Variants in INO80D observed in about 807,000 individuals in gnomAD.
INO80D encodes the protein INO80 complex subunit D.
Under a neutral mutation model 87.6 loss-of-function variants are expected in INO80D, and 21 were observed. The observed-to-expected ratio is 0.24, with a 90% CI of 0.17 to 0.35. The LOEUF (loss-of-function observed/expected upper bound fraction) is 0.35. INO80D is among the 10% of genes least tolerant of loss of function. INO80D has a pLI of 1.00. For synonymous variants in INO80D, 440 were observed against 491.0 expected (o/e 0.90, Z 1.37); for missense variants, 982 against 1,280.7 (o/e 0.77, Z 3.56).
At chr2:206,065,324 G>A (rs925390719) in intron 1 of INO80D, among the ~76,000 whole-genome samples, 13 of 152,084 alleles carry the variant, frequency 8.5e-5, no homozygotes, top group Non-Finnish European at 8.8e-5. Flanking sequence ...ACAAAAATCA[G>A]CTAGGCATGG....
chr2:206,072,548 G>A (rs1690002815), intron 1 of INO80D, among the ~76,000 whole-genome samples: 2 of 152,000 alleles, frequency 1.3e-5, no homozygotes, highest in Non-Finnish European at 2.9e-5. Flanking sequence ...AAAGTGCTAG[G>A]ATTACAGGCA....
intron 8 of INO80D, among the ~76,000 whole-genome samples, chr2:206,011,777 C>G (rs923634059): frequency 1.3e-5 from 2 of 152,146 alleles, no homozygotes; most frequent in Admixed American, 1.3e-4. Context: ...GCTAGGGATA[C>G]AGTAGTAACA....
intron 3 of INO80D, among the ~76,000 whole-genome samples, 174 bp from the exon 4 acceptor site, chr2:206,057,117 G>A (rs1456586306): frequency 1.3e-5 from 2 of 152,190 alleles, no homozygotes; most frequent in Admixed American, 6.5e-5. Context: ...CAAAGTCAGT[G>A]TAATTTTGAT....
At position 206,002,734 on chromosome 2, in the gene INO80D, C is replaced by CTATTTATAAGG. The variant is rs1309112531; in HGVS notation, c.*1633_*1634insCCTTATAAATA. The CTATTTATAAGG allele has an allele frequency of 1.3e-5, 2 of 152,302 alleles. No individual in the cohort carries two copies. Among genetic ancestry groups the CTATTTATAAGG allele is most frequent in the East Asian group, 3.9e-4 (2 of 5,188 alleles). The allele number at this position is 152,302 out of a possible 1,614,324, so 9.4% of individuals were successfully genotyped here. A position where few individuals can be genotyped will look rare whatever the true frequency, so the allele number is the denominator to read the frequency against. ...CAGGAAGTAGGAAAATACATCCAATCACTACCTATTAGAAAGGAATTAAGA... is the reference window on the plus strand; with the variant it reads ...CAGGAAGTAGGAAAATACATCCAATCTATTTATAAGGACTACCTATTAGAAAGGAATTAAGA... On this transcript the variant is annotated 3_prime_UTR_variant, in exon 11 of 11. Transcript: ENST00000403263.
intron 1 of INO80D, among the ~76,000 whole-genome samples, chr2:206,079,819 C>T (rs1690224586): frequency 6.6e-6 from 1 of 152,164 alleles, no homozygotes; most frequent in African/African-American, 2.4e-5. Context: ...TGACCTTTCC[C>T]TCTCACTATT....
In INO80D at chr2:206,056,267, G is replaced by A; in HGVS notation, c.895C>T (p.Arg299Ter). 6.2e-7 allele frequency: 1 copy of A among 1,613,570 alleles called. No individual in the cohort carries two copies. The highest frequency in any genetic ancestry group is 8.5e-7 in the Non-Finnish European group (1 of 1,179,718). ...CACAGTTTCACCAGTCTCTGCAGTCGGCTTATACATGAGAAGTGTGGAGAG... is the reference window on the plus strand; with the variant it reads ...CACAGTTTCACCAGTCTCTGCAGTCAGCTTATACATGAGAAGTGTGGAGAG... ...AFSPHFSCIS[R>*]LQRLVKLCTQ... The change falls in exon 4 of 11, where the codon CGA becomes TGA. Residue 299 changes from arginine (R) to a stop codon, truncating the protein, a stop_gained. Coordinates refer to ENST00000403263, the MANE Select transcript of INO80D (RefSeq NM_017759.5). LOFTEE classifies it high-confidence loss of function.
At chr2:206,046,874 C>T (rs777633084) in intron 4 of INO80D, among the ~76,000 whole-genome samples, 3 of 152,144 alleles carry the variant, frequency 2.0e-5, no homozygotes, top group Non-Finnish European at 2.9e-5. Flanking sequence ...CTCTGCCTCC[C>T]GGGTTCAGCG....
At chr2:206,021,671 G>A (rs1026650167) in intron 6 of INO80D, among the ~76,000 whole-genome samples, 1 of 152,146 alleles carries the variant, frequency 6.6e-6, no homozygotes, top group Admixed American at 6.5e-5. Context: ...GGAGTGCAAT[G>A]GTGCGATCTC....
At chr2:206,009,843 C>A (rs374479034) in intron 8 of INO80D, 49 bp from the exon 9 acceptor site, 1 of 1,460,930 alleles carries the variant, frequency 6.8e-7, no homozygotes, top group East Asian at 2.4e-5. Context: ...CTGGGATAAA[C>A]CTGACAGCTA....
chr2:206,004,582 C>A lies in INO80D; in HGVS notation c.2870G>T (p.Gly957Val). 6.2e-7 allele frequency: 1 copy of A among 1,611,406 alleles called. No homozygotes were observed. The highest frequency in any genetic ancestry group is 8.5e-7 in the Non-Finnish European group (1 of 1,178,924). ...GGAGGCCATTAGTTCAGCAGAAGGC[C>A]CCATGCCACTGAAGCTGGTCTGTGG... The part of the protein sequence containing the change: ...GLPQTSFSGM[G>V]PSAELMASTS... Residue 957 changes from glycine to valine, a missense_variant, in exon 11 of 11, where the codon GGG (glycine) becomes GTG (valine). Physicochemically the swap from Gly to Val is moderately radical, Grantham distance 109. Transcript: ENST00000403263. The surrounding 1 kb of genome is among the most constrained non-coding windows in gnomAD (Gnocchi z 4.9).
At chr2:206,078,244 C>G (rs1370085324) in intron 1 of INO80D, among the ~76,000 whole-genome samples, 2 of 151,786 alleles carry the variant, frequency 1.3e-5, no homozygotes, top group Admixed American at 6.6e-5. Flanking sequence ...ATGGCGAAAC[C>G]CTGTCTCTAC....
chr2:206,005,452 C>G lies in INO80D; in HGVS notation c.2000G>C (p.Cys667Ser), dbSNP rs1687999819. The change falls in exon 11 of 11, where the codon TGC becomes TCC. Residue 667 changes from cysteine to serine, a missense_variant. Coordinates refer to ENST00000403263, the MANE Select transcript of INO80D (RefSeq NM_017759.5). The part of the protein sequence containing the change: ...RALQAVTSLE[C>S]LSTIGVLAQS... ...GGCAAGGACCCCAATGGTACTCAGG[C>G]ACTCGAGAGAAGTTACAGCCTGCAA... 3 of 1,613,980 alleles carry G rather than the reference C, an allele frequency of 1.9e-6. No homozygotes were observed. Among genetic ancestry groups the G allele is most frequent in the East Asian group, 4.5e-5 (2 of 44,880 alleles).
intron 5 of INO80D, among the ~76,000 whole-genome samples, chr2:206,028,771 A>G (rs906028632): frequency 6.6e-6 from 1 of 152,346 alleles, no homozygotes; most frequent in South Asian, 2.1e-4. Context: ...ACAGTTTATT[A>G]TCTAAGAGCT....
intron 6 of INO80D, among the ~76,000 whole-genome samples, chr2:206,021,211 T>A (rs187387145): frequency 1.8e-4 from 27 of 152,326 alleles, no homozygotes; most frequent in Admixed American, 4.6e-4. Context: ...AGTATCTTTC[T>A]CAGGGTTTCA....
intron 1 of INO80D, among the ~76,000 whole-genome samples, chr2:206,068,814 C>T (rs1689885839): frequency 6.6e-6 from 1 of 152,258 alleles, no homozygotes; most frequent in Non-Finnish European, 1.5e-5. Flanking sequence ...ATCCTCCCAC[C>T]TCAGCCTCCT....
Position 206,085,314 on chromosome 2 carries a change from C to T in INO80D, c.-124+587G>A, listed in dbSNP as rs1322349614. On this transcript the variant is annotated intron_variant, in intron 1 of 10. Coordinates refer to ENST00000403263, the MANE Select transcript of INO80D (RefSeq NM_017759.5). The surrounding 1 kb of genome is among the most constrained non-coding windows in gnomAD (Gnocchi z 4.5). ...AGGAGGGGGATAAATAAATTCAACT[C>T]TTACCGGAATCTGGGGGCCGTCTGC... is the stretch of plus-strand genomic sequence containing the variant. Among the ~76,000 whole-genome samples, 1 of 151,746 alleles carries T rather than the reference C, an allele frequency of 6.6e-6. No individual in the cohort carries two copies. The highest frequency in any genetic ancestry group is 2.4e-5 in the African/African-American group (1 of 41,346).
At position 206,007,288 on chromosome 2, in the gene INO80D, A is replaced by C. The variant is rs1443980152; in HGVS notation, c.1914T>G (p.Phe638Leu). 6.2e-7 allele frequency: 1 copy of C among 1,611,770 alleles called. No homozygotes were observed. Among genetic ancestry groups the C allele is most frequent in the Non-Finnish European group, 8.5e-7 (1 of 1,179,050 alleles). Residue 638 changes from phenylalanine (F) to leucine (L), a missense_variant, in exon 10 of 11, where the codon TTT becomes TTG. Transcript: ENST00000403263. ...LPDDLQDFDF[F>L]EGKNGDLLPT... Reference sequence around the variant, plus strand: ...GAGTCAAAATATTGACTATACCTTCAAAAAAATCAAAATCTTGTAAGTCAT... The same window carrying C: ...GAGTCAAAATATTGACTATACCTTCCAAAAAATCAAAATCTTGTAAGTCAT...
chr2:206,009,465 C>G (rs901863453), intron 9 of INO80D, 112 bp downstream of exon 9: 4 of 863,340 alleles, frequency 4.6e-6, no homozygotes, highest in Non-Finnish European at 7.1e-6. Flanking sequence ...GGCTGATATA[C>G]TAAATGGTTT....
intron 8 of INO80D, among the ~76,000 whole-genome samples, chr2:206,011,127 G>A (rs1460721239): frequency 6.8e-6 from 1 of 146,204 alleles, no homozygotes; most frequent in Non-Finnish European, 1.5e-5. Context: ...AGTTCTTTTT[G>A]TCTCAACACT....
Sources: gnomAD v4.1 joint callset for allele counts (sites outside exome capture counted in the v4.1 genomes callset) on GRCh38, gnomAD v4.1.1 for gene constraint, Gnocchi (gnomAD v3.1) non-coding constraint, MANE v1.5 for transcripts, NCBI Gene and HGNC (gene_info 2026-07-23, HGNC 2026-07-21) for gene names.